OR2L2: variants seen among roughly 807,000 people sequenced by gnomAD.
OR2L2 encodes the protein olfactory receptor family 2 subfamily L member 2.
For missense variants in OR2L2, 378 were observed against 375.2 expected, an observed-to-expected ratio of 1.01 and a Z score of -0.06; for synonymous variants, 156 against 135.4, an observed-to-expected ratio of 1.15 and a Z score of -1.06.
chr1:248,038,545 TC>T lies in OR2L2; in HGVS notation c.279del (p.Phe93LeufsTer12), dbSNP rs774890987. 318 of 1,614,210 alleles carry T rather than the reference TC, an allele frequency of 2.0e-4. No homozygotes were observed. The highest frequency in any genetic ancestry group is 2.7e-4 in the Non-Finnish European group (313 of 1,180,032). ...CTGTATGGAAACAAGTCTATCTCCT[TC>T]ACTGGATGTGGGATTCAGAGTTTCT... ...DFLYGNKSIS[F>X]TGCGIQSFFF... is the part of the protein sequence containing the mutation. On this transcript the variant is annotated frameshift_variant, in exon 3 of 3. Coordinates refer to ENST00000641771, the MANE Select transcript of OR2L2 (RefSeq NM_001385855.1). LOFTEE classifies it low-confidence loss of function (END_TRUNC).
chr1:248,038,935 C>G lies in OR2L2; in HGVS notation c.668C>G (p.Ala223Gly). The G allele has an allele frequency of 6.2e-7, 1 of 1,614,154 alleles. No individual in the cohort carries two copies. Among genetic ancestry groups the G allele is most frequent in the Non-Finnish European group, 8.5e-7 (1 of 1,180,024 alleles). Residue 223 changes from alanine (A) to glycine (G), a missense_variant, in exon 3 of 3, where the codon GCT (alanine) becomes GGT (glycine). Ala to Gly is a moderately conservative substitution (Grantham distance 60). Coordinates refer to ENST00000641771, the MANE Select transcript of OR2L2 (RefSeq NM_001385855.1). ...TGTTCCTATGGCCGGGTTCTCCTTG[C>G]TGTCTACCGCATGCACTCTGCAGAA... Reference protein sequence around the residue: ...IACSYGRVLLAVYRMHSAEGR... With the variant: ...IACSYGRVLLGVYRMHSAEGR...
Position 248,040,546 on chromosome 1 carries a change from A to G in OR2L2, c.*1340A>G, listed in dbSNP as rs1422082108. On this transcript the variant is annotated 3_prime_UTR_variant, in exon 3 of 3. Transcript: ENST00000641771. ...CAGCCCACTCAACGTGAAGACAACA[A>G]TGATGAAGAACTTTATGACAAACCT... The G allele has an allele frequency of 6.6e-6, 1 of 152,236 alleles. No individual in the cohort carries two copies. The highest frequency in any genetic ancestry group is 2.4e-5 in the African/African-American group (1 of 41,460). 9.4% of individuals were successfully genotyped at this position (152,236 alleles called of 1,614,324 possible). A position where few individuals can be genotyped will look rare whatever the true frequency, so the allele number is the denominator to read the frequency against.
At chr1:248,036,513 C>G (rs1348507469) in intron 2 of OR2L2, among the ~76,000 whole-genome samples, 2 of 152,058 alleles carry the variant, frequency 1.3e-5, no homozygotes, top group Non-Finnish European at 2.9e-5. Context: ...TGTATTGATC[C>G]TTAAGTGAGT....
At chr1:248,035,284 A>T (rs1015442627) in intron 1 of OR2L2, among the ~76,000 whole-genome samples, 1 of 152,042 alleles carries the variant, frequency 6.6e-6, no homozygotes, top group Non-Finnish European at 1.5e-5. Context: ...CCCCGTCTCT[A>T]CTAAAAATAC....
At chr1:248,036,797 G>A (rs1662774654) in intron 2 of OR2L2, among the ~76,000 whole-genome samples, 1 of 152,082 alleles carries the variant, frequency 6.6e-6, no homozygotes, top group Admixed American at 6.5e-5. Context: ...TCCAAATCCT[G>A]TCTTTTGAAG....
At chr1:248,030,831 G>A (rs763287778) in intron 1 of OR2L2, among the ~76,000 whole-genome samples, 1 of 152,138 alleles carries the variant, frequency 6.6e-6, no homozygotes, top group Non-Finnish European at 1.5e-5. Flanking sequence ...ACGTGCCAGT[G>A]TGTGGAGATA....
Position 248,041,286 on chromosome 1 carries a change from T to G in OR2L2, c.*2080T>G, listed in dbSNP as rs1425193438. On this transcript the variant is annotated 3_prime_UTR_variant, in exon 3 of 3. Coordinates refer to ENST00000641771, the MANE Select transcript of OR2L2 (RefSeq NM_001385855.1). The stretch of plus-strand genomic sequence containing the variant: ...GGATTCCCTATTTAATAAATGGTGC[T>G]GGGAAAACTGGCTAGCCATATGTAA... 1.3e-5 allele frequency: 2 copies of G among 152,102 alleles called. No individual in the cohort carries two copies. Among genetic ancestry groups the G allele is most frequent in the African/African-American group, 4.8e-5 (2 of 41,398 alleles). The allele number at this position is 152,102 out of a possible 1,614,324, so 9.4% of individuals were successfully genotyped here. A position where few individuals can be genotyped will look rare whatever the true frequency, so the allele number is the denominator to read the frequency against.
At chr1:248,035,862 A>G (rs1312882054) in intron 2 of OR2L2, among the ~76,000 whole-genome samples, 1 of 152,138 alleles carries the variant, frequency 6.6e-6, no homozygotes, top group East Asian at 1.9e-4. Context: ...TAAGGGGTTG[A>G]CAGCATCATC....
At chr1:248,037,489 C>G (rs1662796011) in intron 2 of OR2L2, among the ~76,000 whole-genome samples, 1 of 152,078 alleles carries the variant, frequency 6.6e-6, no homozygotes, top group African/African-American at 2.4e-5. Context: ...ATCAAACATT[C>G]ATATCTTTTT....
At position 248,032,516 on chromosome 1, in the gene OR2L2, C is replaced by T. The variant is rs372336428; in HGVS notation, c.-97+2281C>T. ...CTCTACACAATTATTCTCCTTGACT[C>T]CCTTCCCCCATCCCCAGGGGTCCAG... On this transcript the variant is annotated intron_variant, in intron 1 of 2. Coordinates refer to ENST00000641771, the MANE Select transcript of OR2L2 (RefSeq NM_001385855.1). Among the ~76,000 whole-genome samples, 3 of 152,266 alleles carry T rather than the reference C, an allele frequency of 2.0e-5. No individual in the cohort carries two copies. The East Asian group carries it at 5.8e-4, about 29-fold the overall frequency.
At position 248,039,731 on chromosome 1, in the gene OR2L2, C is replaced by T. The variant is rs1662889479; in HGVS notation, c.*525C>T. 1 of 152,060 alleles carries T rather than the reference C, an allele frequency of 6.6e-6. No individual in the cohort carries two copies. Among genetic ancestry groups the T allele is most frequent in the Non-Finnish European group, 1.5e-5 (1 of 68,022 alleles). 9.4% of individuals were successfully genotyped at this position (152,060 alleles called of 1,614,324 possible). A position where few individuals can be genotyped will look rare whatever the true frequency, so the allele number is the denominator to read the frequency against. ...ATAATTACATAATAGTTGTTTATCT[C>T]CCATTATTATAAAAATAAGACAAAA... On this transcript the variant is annotated 3_prime_UTR_variant, in exon 3 of 3. Coordinates refer to ENST00000641771, the MANE Select transcript of OR2L2 (RefSeq NM_001385855.1).
intron 1 of OR2L2, 92 bp from the exon 2 acceptor site, chr1:248,035,458 A>G (rs1662735188): frequency 6.6e-6 from 1 of 152,130 alleles, no homozygotes; most frequent in East Asian, 1.9e-4. Context: ...CAAAAAGAAA[A>G]AAAAAAGTGT....
chr1:248,038,095 A>T, intron 2 of OR2L2, 152 bp from the exon 3 acceptor site: 2 of 507,290 alleles, frequency 3.9e-6, no homozygotes, highest in Non-Finnish European at 7.0e-6. Context: ...TTATAAATTA[A>T]AGTTTATAAT....
chr1:248,038,680 G>T lies in OR2L2; in HGVS notation c.413G>T (p.Arg138Ile). 6.2e-7 allele frequency: 1 copy of T among 1,614,178 alleles called. No individual in the cohort carries two copies. Among genetic ancestry groups the T allele is most frequent in the Non-Finnish European group, 8.5e-7 (1 of 1,180,032 alleles). The change falls in exon 3 of 3, where the codon AGA (arginine) becomes ATA (isoleucine). Residue 138 changes from arginine to isoleucine, a missense_variant. By Grantham distance (97) the Arg-to-Ile change is moderately conservative. Coordinates refer to ENST00000641771, the MANE Select transcript of OR2L2 (RefSeq NM_001385855.1). ...CACTATCCCATCCGTATAAGCAAAA[G>T]AGTGTGTGTGATGATGATAACAGGA... ...PLHYPIRISK[R>I]VCVMMITGSW...
In OR2L2 at chr1:248,039,101, C is replaced by T. The variant is rs758598929; in HGVS notation, c.834C>T (p.Thr278=). 6 of 1,614,110 alleles carry T rather than the reference C, an allele frequency of 3.7e-6. No individual in the cohort carries two copies. In the South Asian group the frequency reaches 6.6e-5, roughly 18 times the overall value. ...ACAAGATTCTGGCTGTTTTCTACAC[C>T]ATCCTCACCCCAATGCTCAACCCCA... ...TEDKILAVFY[T]ILTPMLNPII... Residue 278 remains threonine, a synonymous_variant, in exon 3 of 3, where the codon ACC becomes ACT. Transcript: ENST00000641771.
intron 1 of OR2L2, 85 bp downstream of exon 1, chr1:248,030,320 A>C (rs1662583820): frequency 6.6e-6 from 1 of 152,194 alleles, no homozygotes; most frequent in South Asian, 2.1e-4. Context: ...ACTTTGTTTC[A>C]GAAATAGAAT....
Position 248,038,306 on chromosome 1 carries a change from A to C in OR2L2, c.39A>C (p.Leu13Phe), listed in dbSNP as rs1662821788. 2 of 1,612,976 alleles carry C rather than the reference A, an allele frequency of 1.2e-6. No individual in the cohort carries two copies. The highest frequency in any genetic ancestry group is 1.7e-6 in the Non-Finnish European group (2 of 1,179,298). Residue 13 changes from leucine (L) to phenylalanine (F), a missense_variant, in exon 3 of 3, where the codon TTA (leucine) becomes TTC (phenylalanine). Leu to Phe is a conservative substitution (Grantham distance 22). Coordinates refer to ENST00000641771, the MANE Select transcript of OR2L2 (RefSeq NM_001385855.1). ...ATCAAACATCAACTGATTTCATCTT[A>C]TTGGGGCTGTTCCCACAATCAAGAA... Reference protein sequence around the residue: ...NYNQTSTDFILLGLFPQSRIG... With the variant: ...NYNQTSTDFIFLGLFPQSRIG...
chr1:248,031,943 C>T (rs969916750), intron 1 of OR2L2, among the ~76,000 whole-genome samples: 4 of 151,930 alleles, frequency 2.6e-5, no homozygotes, highest in Non-Finnish European at 5.9e-5. Context: ...AGGATAATAA[C>T]TCTCATGGAA....
chr1:248,031,495 G>A (rs1244477325), intron 1 of OR2L2, among the ~76,000 whole-genome samples: 6 of 152,210 alleles, frequency 3.9e-5, no homozygotes, highest in Middle Eastern at 3.2e-3. Context: ...GCAGTAGGCA[G>A]GGTCTTTTAA....
Sources: gnomAD v4.1 joint callset for allele counts (sites outside exome capture counted in the v4.1 genomes callset) on GRCh38, gnomAD v4.1.1 for gene constraint, MANE v1.5 for transcripts, NCBI Gene and HGNC (gene_info 2026-07-23, HGNC 2026-07-21) for gene names.